The following IL12RB1 variants were observed in gnomAD, a reference collection of about 807,000 sequenced individuals.
The protein encoded by IL12RB1 is interleukin 12 receptor subunit beta 1, also known as interleukin-12 receptor subunit beta-1.
Under a neutral mutation model 94.4 loss-of-function variants are expected in IL12RB1, and 64 were observed. The ratio of observed to expected loss-of-function variants is 0.68; its 90% CI spans 0.55 to 0.83. The LOEUF (loss-of-function observed/expected upper bound fraction) is 0.83. IL12RB1 is among the 40% of genes least tolerant of loss of function. The pLI is 0.00. For missense variants in IL12RB1, 814 were observed against 855.6 expected, an observed-to-expected ratio of 0.95 and a Z score of 0.61; for synonymous variants, 362 against 355.5, an observed-to-expected ratio of 1.02 and a Z score of -0.21.
chr19:18,075,785 AG>A lies in IL12RB1; in HGVS notation c.663del (p.Trp222GlyfsTer20). On this transcript the variant is annotated frameshift_variant, in exon 7 of 17. Transcript: ENST00000593993. LOFTEE classifies it high-confidence loss of function. Reference protein sequence around the residue: ...RRRQLGSQGSSWSKWSSPVCV... With the variant: ...RRRQLGSQGSXWSKWSSPVCV... The stretch of plus-strand genomic sequence containing the variant: ...CACACGGGGCTGCTCCACTTGCTCC[AG>A]GAACTTCCTTGGCTCCCCAGCTGCC... 1.9e-6 allele frequency: 3 copies of A among 1,613,212 alleles called. No individual in the cohort carries two copies. The highest frequency in any genetic ancestry group is 2.5e-6 in the Non-Finnish European group (3 of 1,179,176).
At chr19:18,075,305 G>A (rs2035384717) in intron 7 of IL12RB1, among the ~76,000 whole-genome samples, 1 of 148,406 alleles carries the variant, frequency 6.7e-6, no homozygotes, top group Non-Finnish European at 1.5e-5. Context: ...CTGTCACCCA[G>A]GCTGGAGTGC....
chr19:18,080,167 C>T (rs1034545601), intron 4 of IL12RB1, among the ~76,000 whole-genome samples: 1 of 151,738 alleles, frequency 6.6e-6, no homozygotes, highest in African/African-American at 2.4e-5. Context: ...GCCATTCTCC[C>T]GCCTCAGCCT....
rs770060017 is a variant in IL12RB1 at position 18,063,913 on chromosome 19, C to T, written c.1581G>A (p.Leu527=). 4 of 1,613,546 alleles carry T rather than the reference C, an allele frequency of 2.5e-6. No homozygotes were observed. The highest frequency in any genetic ancestry group is 1.3e-5 in the African/African-American group (1 of 75,022). Residue 527 remains leucine (L), a synonymous_variant, in exon 13 of 17, where the codon CTG becomes CTA. Transcript: ENST00000593993. ...GCTGGGGCTGGCTCCAGACACCCCT[C>T]AGCCACGCTGTGTCTGCTCGCACCT... The part of the protein sequence containing the change: ...TVQVRADTAW[L]RGVWSQPQRF...
At chr19:18,088,758 A>T (rs1410655607), upstream of IL12RB1, among the ~76,000 whole-genome samples, 3 of 151,902 alleles carry the variant, frequency 2.0e-5, no homozygotes, top group East Asian at 5.8e-4. Context: ...GGCTGGGTGC[A>T]GTGGTTCACA....
chr19:18,059,950 C>T lies in IL12RB1; in HGVS notation c.1927G>A (p.Glu643Lys), dbSNP rs2034003952. 1.3e-6 allele frequency: 2 copies of T among 1,596,404 alleles called. No individual in the cohort carries two copies. Among genetic ancestry groups the T allele is most frequent in the South Asian group, 1.1e-5 (1 of 88,270 alleles). ...EKTELPEGAPELALDTELSLE... is the reference protein window; with the variant it reads ...EKTELPEGAPKLALDTELSLE... ...GACAACTCTGTATCCAGGGCCAGCT[C>T]AGGGGCACCCTCAGGTAGCTCTGTC... The change falls in exon 16 of 17, where the codon GAG becomes AAG. Residue 643 changes from glutamate to lysine, a missense_variant. Transcript: ENST00000593993.
At chr19:18,074,392 C>T (rs1335424827) in intron 7 of IL12RB1, among the ~76,000 whole-genome samples, 1 of 152,156 alleles carries the variant, frequency 6.6e-6, no homozygotes, top group African/African-American at 2.4e-5. Context: ...CACCCTGCCA[C>T]CTGCAGGTGA....
At chr19:18,077,731 T>G in intron 4 of IL12RB1, 76 bp from the exon 5 acceptor site, 4 of 901,640 alleles carry the variant, frequency 4.4e-6, no homozygotes, top group Non-Finnish European at 7.5e-6. Context: ...ATCCACCCTG[T>G]CCAGGGTAAG....
At chr19:18,069,412 G>A (rs921848916) in intron 10 of IL12RB1, 134 bp downstream of exon 10, 6 of 862,628 alleles carry the variant, frequency 7.0e-6, no homozygotes, top group Admixed American at 5.3e-5. Context: ...ACCTCTGTAT[G>A]ACATTGAGTA....
chr19:18,063,620 G>A (rs1269925192), intron 13 of IL12RB1, among the ~76,000 whole-genome samples: 2 of 152,152 alleles, frequency 1.3e-5, no homozygotes, highest in Admixed American at 6.6e-5. Context: ...TTTGAAGGAC[G>A]AATAGGAGTT....
intron 10 of IL12RB1, among the ~76,000 whole-genome samples, chr19:18,069,310 A>G: frequency 6.6e-6 from 1 of 152,194 alleles, no homozygotes; most frequent in East Asian, 1.9e-4. Flanking sequence ...CATTACCTGT[A>G]TGTGTGTGAT....
chr19:18,061,058 G>A, intron 15 of IL12RB1, 64 bp downstream of exon 15: 3 of 859,662 alleles, frequency 3.5e-6, no homozygotes, highest in Non-Finnish European at 2.0e-6. Context: ...ATGAGCTAAT[G>A]CGTAACCCTT....
rs372411263 is a variant in IL12RB1 at position 18,075,549 on chromosome 19, C to G, written c.700+200G>C. 2.0e-5 allele frequency among the ~76,000 whole-genome samples: 3 copies of G among 152,252 alleles called. No homozygotes were observed. The South Asian group carries it at 6.2e-4, about 32-fold the overall frequency. ...GTGCTGGGATTACAGGCATCAGCCA[C>G]CACGCCCAGCCCCATTTTATTTTAT... On this transcript the variant is annotated intron_variant, in intron 7 of 16. Coordinates refer to ENST00000593993, the MANE Select transcript of IL12RB1 (RefSeq NM_005535.3).
At chr19:18,076,410 CT>C in intron 5 of IL12RB1, 83 bp from the exon 6 acceptor site, 1 of 758,648 alleles carries the variant, frequency 1.3e-6, no homozygotes. Flanking sequence ...TATTTATTTA[CT>C]TATTTATCTG....
chr19:18,075,905 T>G (rs1296206673), intron 6 of IL12RB1, 37 bp from the exon 7 acceptor site: 6 of 1,607,708 alleles, frequency 3.7e-6, no homozygotes, highest in Non-Finnish European at 5.1e-6. Context: ...GCCGTAAGAA[T>G]TGTCCAGGAC....
At chr19:18,060,328 A>G (rs2034030624) in intron 15 of IL12RB1, among the ~76,000 whole-genome samples, 1 of 151,978 alleles carries the variant, frequency 6.6e-6, no homozygotes, top group Non-Finnish European at 1.5e-5. Context: ...AAAATACAAA[A>G]ATTAGCTGAG....
intron 8 of IL12RB1, among the ~76,000 whole-genome samples, chr19:18,073,311 ATC>A (rs2035213689): frequency 6.6e-6 from 1 of 152,118 alleles, no homozygotes; most frequent in Non-Finnish European, 1.5e-5. Context: ...GTCTGTGAAC[ATC>A]TGAGTCCAGT....
At chr19:18,083,627 C>T (rs2036072230) in intron 1 of IL12RB1, 136 bp from the exon 2 acceptor site, 2 of 758,064 alleles carry the variant, frequency 2.6e-6, no homozygotes, top group Non-Finnish European at 4.6e-6. Flanking sequence ...ACCCTCCTAC[C>T]ACCACCCATC....
Position 18,063,960 on chromosome 19 carries a change from C to T in IL12RB1, c.1534G>A (p.Ala512Thr). 6.2e-7 allele frequency: 1 copy of T among 1,612,872 alleles called. No homozygotes were observed. Among genetic ancestry groups the T allele is most frequent in the South Asian group, 1.1e-5 (1 of 91,028 alleles). Reference sequence around the variant, plus strand: ...ACCTGCACCGTGTAGGCTACACCAGCCCGCAGGCCACTGAGGGTAACTTGG... The same window carrying T: ...ACCTGCACCGTGTAGGCTACACCAGTCCGCAGGCCACTGAGGGTAACTTGG... ...ETQVTLSGLRAGVAYTVQVRA... is the reference protein window; with the variant it reads ...ETQVTLSGLRTGVAYTVQVRA... The change falls in exon 13 of 17, where the codon GCT becomes ACT. Residue 512 changes from alanine (A) to threonine (T), a missense_variant. By Grantham distance (58) the Ala-to-Thr change is moderately conservative. Transcript: ENST00000593993.
At chr19:18,090,461 C>G (rs1289717166), upstream of IL12RB1, among the ~76,000 whole-genome samples, 6 of 152,134 alleles carry the variant, frequency 3.9e-5, no homozygotes, top group African/African-American at 1.4e-4. Context: ...CCTCACTTGC[C>G]TTATTTCACA....
Sources: gnomAD v4.1 joint callset for allele counts (sites outside exome capture counted in the v4.1 genomes callset) on GRCh38, gnomAD v4.1.1 for gene constraint, MANE v1.5 for transcripts, NCBI Gene and HGNC (gene_info 2026-07-23, HGNC 2026-07-21) for gene names.